The following VPS13B variants were observed in gnomAD, a reference collection of about 807,000 sequenced individuals.
The protein encoded by VPS13B is intermembrane lipid transfer protein VPS13B.
A neutral mutation model predicts 426.4 loss-of-function variants in VPS13B; 285 were observed. That is an observed-to-expected ratio of 0.67 (90% CI 0.61 to 0.74). The LOEUF (loss-of-function observed/expected upper bound fraction) is 0.74. Ranked by LOEUF, VPS13B falls within the 30% of genes least tolerant of loss-of-function variation. The pLI is 0.00. For missense variants in VPS13B, 4,537 were observed against 4,782.6 expected (o/e 0.95, Z 1.51); for synonymous variants, 1,676 against 1,676.4 (o/e 1.00, Z 0.01).
At chr8:99,692,910 C>A (rs1479185513) in intron 35 of VPS13B, among the ~76,000 whole-genome samples, 3 of 149,146 alleles carry the variant, frequency 2.0e-5, no homozygotes, top group Non-Finnish European at 4.5e-5. Context: ...GAGAATACTA[C>A]AAACACCTCT....
chr8:99,032,404 C>T (rs1842544775), intron 2 of VPS13B, among the ~76,000 whole-genome samples: 1 of 151,672 alleles, frequency 6.6e-6, no homozygotes, highest in South Asian at 2.1e-4. Context: ...TTTCTGTGTG[C>T]CTCATGTCTT....
chr8:99,362,139 C>CTTTTTTTTTT (rs71273181), intron 19 of VPS13B, among the ~76,000 whole-genome samples: 2 of 119,756 alleles, frequency 1.7e-5, no homozygotes, highest in Non-Finnish European at 1.8e-5. Context: ...TTTAATTTGT[C>CTTTTTTTTTT]TTTTTTTTTT....
At chr8:99,134,509 G>C (rs1809968119) in intron 8 of VPS13B, 123 bp from the exon 9 acceptor site, 1 of 763,506 alleles carries the variant, frequency 1.3e-6, no homozygotes, top group South Asian at 2.0e-5. Context: ...CTGCTTTCCT[G>C]CTTAATATTT....
chr8:99,813,667 A>C (rs2130799261), intron 44 of VPS13B, among the ~76,000 whole-genome samples: 1 of 152,338 alleles, frequency 6.6e-6, no homozygotes, highest in East Asian at 1.9e-4. Flanking sequence ...GGGGAAATAC[A>C]ACTGTTCAGC....
intron 17 of VPS13B, among the ~76,000 whole-genome samples, chr8:99,205,310 C>T (rs537998022): frequency 6.6e-6 from 1 of 152,108 alleles, no homozygotes; most frequent in Admixed American, 6.5e-5. Flanking sequence ...ACAATGGAAA[C>T]ACATGGACAC....
rs147857525 is a variant in VPS13B, at chr8:99,646,284, G to A, written c.5908+3786G>A. ...AATCTCAGCACTTTGGGAGGCCAAA[G>A]TGGGTGGATCACTTGAGCTAAGGAG... On this transcript the variant is annotated intron_variant, in intron 34 of 61. Transcript: ENST00000357162. Among the ~76,000 whole-genome samples, 27 of 152,324 alleles carry A rather than the reference G, an allele frequency of 1.8e-4. No individual in the cohort carries two copies. The East Asian group carries it at 4.6e-3, about 26-fold the overall frequency.
chr8:99,651,595 T>C (rs548442220), intron 34 of VPS13B, among the ~76,000 whole-genome samples: 221 of 152,262 alleles, frequency 1.5e-3, no homozygotes, highest in African/African-American at 5.1e-3. Context: ...AGCTGTATTA[T>C]TGGCAGTTCT....
chr8:99,436,671 A>G (rs113389461), intron 22 of VPS13B, among the ~76,000 whole-genome samples: 206 of 152,328 alleles, frequency 1.4e-3, no homozygotes, highest in African/African-American at 4.7e-3. Context: ...CAACACTTTA[A>G]AAGATAAAAT....
intron 34 of VPS13B, among the ~76,000 whole-genome samples, chr8:99,651,953 A>G (rs1284009798): frequency 1.3e-5 from 2 of 152,182 alleles, no homozygotes; most frequent in Non-Finnish European, 2.9e-5. Flanking sequence ...TACTTCTGCC[A>G]TCTTGCAACT....
intron 17 of VPS13B, among the ~76,000 whole-genome samples, chr8:99,199,730 C>G (rs1245655282): frequency 3.9e-5 from 6 of 152,080 alleles, no homozygotes; most frequent in Non-Finnish European, 7.4e-5. Flanking sequence ...TAATTTAACA[C>G]TATGCTAATT....
chr8:99,495,838 GCT>G (rs1194136653), intron 25 of VPS13B, among the ~76,000 whole-genome samples: 2 of 152,018 alleles, frequency 1.3e-5, no homozygotes, highest in African/African-American at 4.8e-5. Flanking sequence ...TTTATTCTTA[GCT>G]TATTAATATT....
rs111421672 is a variant in VPS13B at position 99,381,304 on chromosome 8, A to G, written c.2825-2904A>G. Among the ~76,000 whole-genome samples, 282 of 152,294 alleles carry G rather than the reference A, an allele frequency of 1.9e-3. 1 individual carries two copies. Among genetic ancestry groups the G allele is most frequent in the African/African-American group, 6.4e-3 (268 of 41,558 alleles). On this transcript the variant is annotated intron_variant, in intron 19 of 61. Transcript: ENST00000357162. ...ACACATTTCCATTATCCAGTCTGCC[A>G]TTGATGGGCATTTAGGTTGATTCCA...
rs777103131 is a variant in VPS13B, at chr8:99,502,864, T to A, written c.4071T>A (p.Asp1357Glu). The change falls in exon 27 of 62, where the codon GAT becomes GAA. Residue 1357 changes from aspartate to glutamate, a missense_variant. Asp to Glu is a conservative substitution (Grantham distance 45). This residue lies in a region of VPS13B where 4,311 missense variants were observed against 4,474.3 expected (regional missense o/e 0.96). Coordinates refer to ENST00000357162, the MANE Select transcript of VPS13B (RefSeq NM_152564.5). Reference protein sequence around the residue: ...TEVCMVSELEDLSASIDVQDV... With the variant: ...TEVCMVSELEELSASIDVQDV... ...TTTGTATGGTCAGTGAACTAGAAGA[T>A]CTCAGTGCTTCCATAGATGTCCAGG... 1 of 1,613,530 alleles carries A rather than the reference T, an allele frequency of 6.2e-7. No individual in the cohort carries two copies.
Position 99,723,541 on chromosome 8 carries a change from C to T in VPS13B, c.7050+2494C>T, listed in dbSNP as rs1833212767. Among the ~76,000 whole-genome samples the T allele has an allele frequency of 3.3e-5, 5 of 152,092 alleles. No homozygotes were observed. In the South Asian group the frequency reaches 8.3e-4, roughly 25 times the overall value. On this transcript the variant is annotated intron_variant, in intron 39 of 61. Transcript: ENST00000357162. ...CCTAGCATTTTGGATAAGGGATACT[C>T]AACAGATATTATGATGACTATTGTC...
intron 15 of VPS13B, among the ~76,000 whole-genome samples, chr8:99,162,489 C>T (rs534675988): frequency 5.9e-5 from 9 of 152,278 alleles, no homozygotes; most frequent in African/African-American, 1.7e-4. Context: ...GTGAGTGTTA[C>T]AGCTCTTAAG....
chr8:99,377,954 T>A (rs2133279001), intron 19 of VPS13B, among the ~76,000 whole-genome samples: 1 of 152,302 alleles, frequency 6.6e-6, no homozygotes, highest in Non-Finnish European at 1.5e-5. Context: ...CGCTGTGCAC[T>A]CATTGTCATT....
intron 13 of VPS13B, among the ~76,000 whole-genome samples, chr8:99,144,193 C>T (rs1810578080): frequency 6.6e-6 from 1 of 151,938 alleles, no homozygotes; most frequent in African/African-American, 2.4e-5. Context: ...CAGATTGTTT[C>T]ATGAAAAAGA....
chr8:99,791,035 A>C (rs542442271), intron 43 of VPS13B, among the ~76,000 whole-genome samples: 1 of 152,198 alleles, frequency 6.6e-6, no homozygotes, highest in Non-Finnish European at 1.5e-5. Flanking sequence ...TTAGCTTTCC[A>C]CAGAAGCTAA....
chr8:99,194,450 G>A (rs1012966371), intron 17 of VPS13B, among the ~76,000 whole-genome samples: 1 of 152,014 alleles, frequency 6.6e-6, no homozygotes, highest in Non-Finnish European at 1.5e-5. Context: ...GGTAACCACC[G>A]TTCTACTCTA....
Sources: allele counts gnomAD v4.1 joint callset (sites outside exome capture counted in the v4.1 genomes callset), GRCh38; gene constraint gnomAD v4.1.1; regional missense constraint gnomAD v4.1.1; transcripts MANE v1.5; gene names NCBI Gene and HGNC (gene_info 2026-07-23, HGNC 2026-07-21).